The following MED13 variants were observed in gnomAD, a reference collection of about 807,000 sequenced individuals.
MED13 encodes mediator complex subunit 13.
Under a neutral mutation model 225.2 loss-of-function variants are expected in MED13, and 23 were observed. The observed-to-expected ratio is 0.10, with a 90% CI of 0.07 to 0.14. MED13 has a LOEUF of 0.14. MED13 is among the 10% of genes least tolerant of loss of function. MED13 has a pLI of 1.00. For missense variants in MED13, 2,197 were observed against 2,594.5 expected (o/e 0.85, Z 3.33); for synonymous variants, 942 against 889.2 (o/e 1.06, Z -1.06).
intron 9 of MED13, chr17:62,010,289 T>C (rs2143585372): frequency 3.2e-6 from 1 of 310,782 alleles, no homozygotes; most frequent in East Asian, 5.2e-5. Flanking sequence ...TACATGGGAA[T>C]TCTAACTGTA....
rs1464206246 is a variant in MED13 at position 61,943,954 on chromosome 17, T to C, written c.*2514A>G. On this transcript the variant is annotated 3_prime_UTR_variant, in exon 30 of 30. Transcript: ENST00000397786. Reference sequence around the variant, plus strand: ...ATTTAAACAAAACTACCCATATTTGTCTGTGACAGTACATTAGTAAGTCAA... The same window carrying C: ...ATTTAAACAAAACTACCCATATTTGCCTGTGACAGTACATTAGTAAGTCAA... 6.6e-6 allele frequency: 1 copy of C among 152,612 alleles called. No individual in the cohort carries two copies. The highest frequency in any genetic ancestry group is 6.5e-5 in the Admixed American group (1 of 15,274). The allele number at this position is 152,612 out of a possible 1,614,324, so 9.5% of individuals were successfully genotyped here.
intron 20 of MED13, among the ~76,000 whole-genome samples, chr17:61,963,202 C>CAAAAAAAAAAAAAAA (rs11290002): frequency 9.7e-4 from 54 of 55,806 alleles, no homozygotes; most frequent in East Asian, 1.9e-3. Context: ...TTAAATTTAC[C>CAAAAAAAAAAAAAAA]AAAAAAAAAA....
At chr17:62,031,188 G>A (rs1360836937) in intron 6 of MED13, 2 of 318,468 alleles carry the variant, frequency 6.3e-6, no homozygotes, top group South Asian at 5.7e-5. Context: ...TGAGTACACA[G>A]GAGTGATGGG....
intron 26 of MED13, among the ~76,000 whole-genome samples, chr17:61,954,892 C>A (rs771556374): frequency 2.2e-4 from 33 of 152,168 alleles, no homozygotes; most frequent in Admixed American, 5.2e-4. Context: ...TAATAAGTTA[C>A]CACAAACTGT....
intron 8 of MED13, among the ~76,000 whole-genome samples, chr17:62,013,079 C>T (rs538328163): frequency 6.6e-6 from 1 of 152,262 alleles, no homozygotes; most frequent in South Asian, 2.1e-4. Context: ...GCGTGAGCCA[C>T]TGCGCCCGGC....
chr17:62,037,495 T>C lies in MED13; in HGVS notation c.471-1887A>G, dbSNP rs534748947. Among the ~76,000 whole-genome samples, 3 of 149,494 alleles carry C rather than the reference T, an allele frequency of 2.0e-5. No homozygotes were observed. The East Asian group carries it at 6.0e-4, about 30-fold the overall frequency. On this transcript the variant is annotated intron_variant, in intron 3 of 29. Transcript: ENST00000397786. ...GCCTGGCCAACTTGGCAAAACCCCATCTCTACTAAAAATACAAAAATTAGC... is the reference window on the plus strand; with the variant it reads ...GCCTGGCCAACTTGGCAAAACCCCACCTCTACTAAAAATACAAAAATTAGC...
intron 2 of MED13, among the ~76,000 whole-genome samples, chr17:62,062,578 AAC>A (rs577585046): frequency 8.2e-5 from 11 of 134,662 alleles, no homozygotes; most frequent in African/African-American, 2.8e-4. Flanking sequence ...CATGCCTTAA[AAC>A]ACACACACAC....
intron 8 of MED13, chr17:62,029,196 G>A (rs1052552382): frequency 4.8e-5 from 9 of 188,836 alleles, no homozygotes; most frequent in Non-Finnish European, 8.6e-5. Flanking sequence ...AATTTCTCAG[G>A]TAGTGCCATT....
intron 9 of MED13, among the ~76,000 whole-genome samples, chr17:62,009,818 T>C (rs1055938531): frequency 6.6e-5 from 10 of 152,128 alleles, no homozygotes; most frequent in Admixed American, 4.6e-4. Context: ...AACCAACATA[T>C]CCATCTTTAA....
In MED13 at chr17:62,065,050, C is replaced by T; in HGVS notation, c.66+90G>A. 5 of 1,184,974 alleles carry T rather than the reference C, an allele frequency of 4.2e-6. No individual in the cohort carries two copies. In the South Asian group the frequency reaches 6.6e-5, roughly 16 times the overall value. The allele number at this position is 1,184,974 out of a possible 1,614,324, so 73.4% of individuals were successfully genotyped here. On this transcript the variant is annotated intron_variant, in intron 1 of 29. Transcript: ENST00000397786. ...GCTGGGCCTCGCCCGGGAACTCGGGCATCTGGACCAGACCCGGCCCCCTCC... is the reference window on the plus strand; with the variant it reads ...GCTGGGCCTCGCCCGGGAACTCGGGTATCTGGACCAGACCCGGCCCCCTCC...
At chr17:62,065,107 C>G (rs964632467) in intron 1 of MED13, 33 bp downstream of exon 1, 146 of 1,521,100 alleles carry the variant, frequency 9.6e-5, no homozygotes, top group Non-Finnish European at 1.2e-4. Context: ...TCGCGGCCCC[C>G]CTCCCTCGGC....
intron 8 of MED13, among the ~76,000 whole-genome samples, chr17:62,025,410 A>G (rs1416355061): frequency 6.6e-6 from 1 of 152,224 alleles, no homozygotes; most frequent in Non-Finnish European, 1.5e-5. Context: ...GCTCACACCT[A>G]TAATCCCAAC....
At chr17:62,010,446 T>C (rs2080495801) in intron 9 of MED13, 104 bp downstream of exon 9, 1 of 685,984 alleles carries the variant, frequency 1.5e-6, no homozygotes, top group Admixed American at 4.0e-5. Flanking sequence ...AATGAATTTA[T>C]TCTTGTAAAT....
At position 61,962,857 on chromosome 17, in the gene MED13, G is replaced by A. The variant is rs186718351; in HGVS notation, c.4959C>T (p.Asp1653=). 7.5e-4 allele frequency: 1,216 copies of A among 1,614,054 alleles called. 1 individual carries two copies. Among genetic ancestry groups the A allele is most frequent in the Admixed American group, 2.7e-3 (162 of 60,010 alleles). ...IIDPFTYENT[D]ESTNSSSVWT... ...ACACACTAGAAGAGTTAGTGCTCTC[G>A]TCTGTATTTTCGTATGTAAAAGGAT... The change falls in exon 21 of 30, where the codon GAC becomes GAT. Residue 1653 remains aspartate, a synonymous_variant. Coordinates refer to ENST00000397786, the MANE Select transcript of MED13 (RefSeq NM_005121.3).
chr17:62,028,711 G>A (rs370131492), intron 8 of MED13, among the ~76,000 whole-genome samples: 20 of 151,914 alleles, frequency 1.3e-4, no homozygotes, highest in Non-Finnish European at 2.2e-4. Context: ...TGGGCATGGT[G>A]GCGGGCGCCT....
At position 62,010,796 on chromosome 17, in the gene MED13, G is replaced by C; in HGVS notation, c.1721C>G (p.Pro574Arg). 1.2e-6 allele frequency: 2 copies of C among 1,614,172 alleles called. No individual in the cohort carries two copies. Among genetic ancestry groups the C allele is most frequent in the South Asian group, 1.1e-5 (1 of 91,080 alleles). ...CAAACTGTCTATCCTATCTTCCATT[G>C]GTTTAGAAGGAACCAAGGGATCTGG... ...PTPDPLVPSK[P>R]MEDRIDSLSQ... The change falls in exon 9 of 30, where the codon CCA becomes CGA. Residue 574 changes from proline (P) to arginine (R), a missense_variant. By Grantham distance (103) the Pro-to-Arg change is moderately radical. Around this residue, in one of 12 missense-constraint regions of MED13, gnomAD observed 884 missense variants for 918.5 expected, o/e 0.96. Coordinates refer to ENST00000397786, the MANE Select transcript of MED13 (RefSeq NM_005121.3).
At chr17:61,954,287 T>TC (rs2079922387) in intron 26 of MED13, among the ~76,000 whole-genome samples, 1 of 152,220 alleles carries the variant, frequency 6.6e-6, no homozygotes, top group Non-Finnish European at 1.5e-5. Flanking sequence ...AAAATCTTCT[T>TC]TATTTTCTCT....
At chr17:62,009,051 T>C (rs570932453) in intron 9 of MED13, among the ~76,000 whole-genome samples, 3 of 152,282 alleles carry the variant, frequency 2.0e-5, no homozygotes, top group African/African-American at 7.2e-5. Flanking sequence ...AAAAAGGTAA[T>C]TCACTGACAA....
At chr17:62,012,672 C>A (rs2080523055) in intron 8 of MED13, among the ~76,000 whole-genome samples, 1 of 151,914 alleles carries the variant, frequency 6.6e-6, no homozygotes, top group Non-Finnish European at 1.5e-5. Context: ...TTTACACATT[C>A]AGTATTCATT....
Sources: allele counts gnomAD v4.1 joint callset (sites outside exome capture counted in the v4.1 genomes callset), GRCh38; gene constraint gnomAD v4.1.1; regional missense constraint gnomAD v4.1.1; transcripts MANE v1.5; gene names NCBI Gene and HGNC (gene_info 2026-07-23, HGNC 2026-07-21).